DICER1: variants seen among roughly 807,000 people sequenced by gnomAD.
DICER1 encodes dicer 1, ribonuclease III.
A neutral mutation model predicts 194.1 loss-of-function variants in DICER1; 43 were observed. The ratio of observed to expected loss-of-function variants is 0.22; its 90% CI spans 0.17 to 0.29. DICER1 has a LOEUF of 0.29. Among genes scored for constraint, DICER1 ranks in the 10% least tolerant of loss-of-function variants. The pLI is 1.00. For synonymous variants in DICER1, 832 were observed against 820.5 expected (o/e 1.01, Z -0.24); for missense variants, 1,608 against 2,317.0 (o/e 0.69, Z 6.28).
intron 21 of DICER1, among the ~76,000 whole-genome samples, chr14:95,102,795 A>G (rs1440821240): frequency 6.6e-6 from 1 of 152,088 alleles, no homozygotes; most frequent in African/African-American, 2.4e-5. Context: ...TCGAGCGTTA[A>G]TTACTCAGAA....
Position 95,103,576 on chromosome 14 carries a change from T to C in DICER1, c.3820A>G (p.Arg1274Gly), listed in dbSNP as rs142193936. ...GAAGGGCTCTGCTCAGAATCCATCC[T>C]GCCCTTGAGCACTTGAATAGTGTCT... ...TTDTIQVLKG[R>G]MDSEQSPSIG... The change falls in exon 21 of 27, where the codon AGG becomes GGG. Residue 1274 changes from arginine (R) to glycine (G), a missense_variant. Physicochemically the swap from Arg to Gly is moderately radical, Grantham distance 125 (BLOSUM62 -2). Transcript: ENST00000343455. 6.2e-7 allele frequency: 1 copy of C among 1,614,234 alleles called. No individual in the cohort carries two copies. The highest frequency in any genetic ancestry group is 8.5e-7 in the Non-Finnish European group (1 of 1,180,042).
intron 2 of DICER1, among the ~76,000 whole-genome samples, chr14:95,133,026 G>A (rs117050366): frequency 4.6e-5 from 7 of 152,190 alleles, no homozygotes; most frequent in Non-Finnish European, 1.0e-4. Flanking sequence ...ACTAATCTAG[G>A]TTCCTACCCA....
intron 8 of DICER1, among the ~76,000 whole-genome samples, chr14:95,119,461 G>C (rs769260776): frequency 2.6e-5 from 4 of 152,256 alleles, no homozygotes; most frequent in Non-Finnish European, 5.9e-5. Context: ...CAGTACCCAG[G>C]ACAAAGCTAC....
intron 1 of DICER1, among the ~76,000 whole-genome samples, chr14:95,147,847 G>C (rs1468149724): frequency 6.6e-6 from 1 of 152,136 alleles, no homozygotes; most frequent in African/African-American, 2.4e-5. Flanking sequence ...GATTTAACTT[G>C]CTAGACCAGC....
chr14:95,090,345 A>C lies in DICER1; in HGVS notation c.*153T>G, dbSNP rs1414942740. On this transcript the variant is annotated 3_prime_UTR_variant, in exon 27 of 27. Transcript: ENST00000343455. ...ATTTTATACATATGTTAAATGTTTT[A>C]TTCTGTTATCTATCCTGTTATCAAC... 1.2e-6 allele frequency: 1 copy of C among 821,106 alleles called. No homozygotes were observed. Among genetic ancestry groups the C allele is most frequent in the African/African-American group, 1.7e-5 (1 of 57,710 alleles). 50.9% of individuals were successfully genotyped at this position (821,106 alleles called of 1,614,324 possible).
Position 95,096,006 on chromosome 14 carries a change from T to C in DICER1, c.4914A>G (p.Glu1638=). ...TTGGTGGAATCTTCAAACAACCATATTCCGAGTCTTTCAATACAGAAGAGC... is the reference window on the plus strand; with the variant it reads ...TTGGTGGAATCTTCAAACAACCATACTCCGAGTCTTTCAATACAGAAGAGC... ...SSRSSVLKDS[E]YGCLKIPPRC... The change falls in exon 23 of 27, where the codon GAA becomes GAG. Residue 1638 remains glutamate (E), a synonymous_variant. Coordinates refer to ENST00000343455, the MANE Select transcript of DICER1 (RefSeq NM_177438.3). 6.2e-7 allele frequency: 1 copy of C among 1,614,232 alleles called. No homozygotes were observed. The highest frequency in any genetic ancestry group is 8.5e-7 in the Non-Finnish European group (1 of 1,180,044).
intron 1 of DICER1, among the ~76,000 whole-genome samples, chr14:95,136,305 C>G (rs922652755): frequency 6.6e-6 from 1 of 152,202 alleles, no homozygotes; most frequent in Non-Finnish European, 1.5e-5. Flanking sequence ...ATTTCCTCCA[C>G]AGGTAATAGC....
intron 11 of DICER1, among the ~76,000 whole-genome samples, chr14:95,113,902 C>A (rs771852836): frequency 1.6e-4 from 24 of 152,172 alleles, no homozygotes; most frequent in Non-Finnish European, 5.9e-5. Context: ...GGGAGACTGG[C>A]TACATACAGG....
In DICER1 at chr14:95,107,917, G is replaced by A. The variant is rs759827733; in HGVS notation, c.2613C>T (p.Asp871=). ...EKPALEFKPT[D]ADSAYCVLPL... ...GTAGAACACAGTATGCTGAATCAGC[G>A]TCTGTAGGTTTAAATTCTAGTGCAG... is the stretch of plus-strand genomic sequence containing the variant. Residue 871 remains aspartate, a synonymous_variant, in exon 16 of 27, where the codon GAC becomes GAT. Transcript: ENST00000343455. 4.7e-5 allele frequency: 76 copies of A among 1,613,880 alleles called. No homozygotes were observed. The highest frequency in any genetic ancestry group is 5.5e-5 in the Non-Finnish European group (65 of 1,179,928).
rs769549511 is a variant in DICER1 at position 95,124,672 on chromosome 14, CA to C, written c.904-5del. ...CGGCACGACAGTCTGATAGTATCTA[CA>C]AAAAAAAGAAAAGAAAAAACCTAAT... is the stretch of plus-strand genomic sequence containing the variant. On this transcript the variant is annotated splice_region_variant and splice_polypyrimidine_tract_variant and intron_variant, in intron 7 of 26. Transcript: ENST00000343455. The surrounding 1 kb of genome is among the most constrained non-coding windows in gnomAD (Gnocchi z 4.5). 23 of 1,603,636 alleles carry C rather than the reference CA, an allele frequency of 1.4e-5. No homozygotes were observed. The highest frequency in any genetic ancestry group is 9.4e-5 in the African/African-American group (7 of 74,248).
At chr14:95,108,121 C>G (rs1444119394) in intron 15 of DICER1, 28 bp from the exon 16 acceptor site, 3 of 1,538,528 alleles carry the variant, frequency 1.9e-6, no homozygotes, top group Admixed American at 1.7e-5. Context: ...TAAAGCACCC[C>G]TCAAAATTAA....
At position 95,103,944 on chromosome 14, in the gene DICER1, A is replaced by G. The variant is rs1321219152; in HGVS notation, c.3452T>C (p.Val1151Ala). ...CTCGCTGAGCAACGTTCTGCAGTTC[A>G]CAGACATTTGGTCATGATTTTCTAG... is the stretch of plus-strand genomic sequence containing the variant. ...SSLENHDQMS[V>A]NCRTLLSESP... The change falls in exon 21 of 27, where the codon GTG (valine) becomes GCG (alanine). Residue 1151 changes from valine to alanine, a missense_variant. Val to Ala is a moderately conservative substitution (Grantham distance 64). Transcript: ENST00000343455. 3 of 1,614,086 alleles carry G rather than the reference A, an allele frequency of 1.9e-6. No individual in the cohort carries two copies. In the African/African-American group the frequency reaches 4.0e-5, roughly 22 times the overall value.
intron 2 of DICER1, 91 bp from the exon 3 acceptor site, chr14:95,132,768 T>C: frequency 7.8e-7 from 1 of 1,289,168 alleles, no homozygotes; most frequent in East Asian, 2.5e-5. Context: ...GAAATTTCAC[T>C]ATTCTCTAAA....
rs548231008 is a variant in DICER1, at chr14:95,126,599, G to C, written c.884C>G (p.Ser295Cys). ...GCTTACCTGTTTCGAAATTAAAGTA[G>C]AATCTCTTTCTTTTGAATGTACAGA... The part of the protein sequence containing the change: ...NISVHSKERD[S>C]TLISKQILSD... The change falls in exon 7 of 27, where the codon TCT becomes TGT. Residue 295 changes from serine (S) to cysteine (C), a missense_variant. Physicochemically the swap from Ser to Cys is moderately radical, Grantham distance 112 (BLOSUM62 -1). Coordinates refer to ENST00000343455, the MANE Select transcript of DICER1 (RefSeq NM_177438.3). 579 of 1,534,522 alleles carry C rather than the reference G, an allele frequency of 3.8e-4. 4 individuals carry two copies. The South Asian group carries it at 6.3e-3, about 17-fold the overall frequency.
intron 25 of DICER1, 30 bp from the exon 26 acceptor site, chr14:95,091,139 T>C: frequency 1.2e-6 from 2 of 1,613,222 alleles, no homozygotes; most frequent in Non-Finnish European, 1.7e-6. Flanking sequence ...ATAATATGAA[T>C]AATATCTCTG....
intron 4 of DICER1, among the ~76,000 whole-genome samples, chr14:95,130,684 C>T (rs1355382461): frequency 3.3e-5 from 5 of 152,178 alleles, no homozygotes; most frequent in Admixed American, 3.3e-4. Flanking sequence ...TGTTTCAGTT[C>T]AGTGAGGAAG....
chr14:95,087,821 A>G lies in DICER1; in HGVS notation c.*2677T>C. On this transcript the variant is annotated 3_prime_UTR_variant, in exon 27 of 27. Coordinates refer to ENST00000343455, the MANE Select transcript of DICER1 (RefSeq NM_177438.3). ...TTACACACGTGCTCAGGGCACAACC[A>G]CACCCCACTGGTAGGTTTTCCATAT... The G allele has an allele frequency of 4.3e-6, 1 of 233,246 alleles. No homozygotes were observed. Among genetic ancestry groups the G allele is most frequent in the Non-Finnish European group, 8.5e-6 (1 of 118,050 alleles). The allele number at this position is 233,246 out of a possible 1,614,324, so 14.4% of individuals were successfully genotyped here. A position where few individuals can be genotyped will look rare whatever the true frequency, so the allele number is the denominator to read the frequency against.
chr14:95,105,777 A>G lies in DICER1; in HGVS notation c.2994T>C (p.Asn998=). Residue 998 remains asparagine, a synonymous_variant, in exon 19 of 27, where the codon AAT becomes AAC. Transcript: ENST00000343455. This position sits in a 1 kb window ranked among gnomAD's most constrained non-coding sequence, Gnocchi z 4.9. ...LDVDHTSSRL[N]LLTPRHLNQK... ...GATTCAAATGTCGAGGTGTCAAAAG[A>G]TTAAGTCTGTAAGAATTCCAAAACA... 1 of 1,613,600 alleles carries G rather than the reference A, an allele frequency of 6.2e-7. No individual in the cohort carries two copies.
At chr14:95,125,303 C>T (rs1893311176) in intron 7 of DICER1, among the ~76,000 whole-genome samples, 2 of 151,844 alleles carry the variant, frequency 1.3e-5, no homozygotes, top group Admixed American at 1.3e-4. Flanking sequence ...AGCCTCCACA[C>T]ACTCTGTCAC....
Sources: allele counts gnomAD v4.1 joint callset (sites outside exome capture counted in the v4.1 genomes callset), GRCh38; gene constraint gnomAD v4.1.1; non-coding constraint Gnocchi (gnomAD v3.1); transcripts MANE v1.5; gene names NCBI Gene and HGNC (gene_info 2026-07-23, HGNC 2026-07-21).